Variants in NEDD4 observed in about 807,000 individuals in gnomAD.
NEDD4 encodes the protein E3 ubiquitin-protein ligase NEDD4.
Under a neutral mutation model 144.9 loss-of-function variants are expected in NEDD4, and 99 were observed. That is an observed-to-expected ratio of 0.68 (90% confidence interval 0.58 to 0.81). NEDD4 has a LOEUF of 0.81. NEDD4 is among the 30% of genes least tolerant of loss of function. NEDD4 has a pLI of 0.00. For missense variants in NEDD4, 985 were observed against 1,065.9 expected, an observed-to-expected ratio of 0.92 and a Z score of 1.06; for synonymous variants, 318 against 350.6, an observed-to-expected ratio of 0.91 and a Z score of 1.04.
chr15:55,933,550 G>A lies in NEDD4; in HGVS notation c.238-8851C>T, dbSNP rs558810851. 1.7e-3 allele frequency among the ~76,000 whole-genome samples: 246 copies of A among 141,646 alleles called. 1 individual carries two copies. Among genetic ancestry groups the A allele is most frequent in the African/African-American group, 6.1e-3 (229 of 37,808 alleles). The allele number at this position is 141,646 out of a possible 152,430, so 92.9% of individuals were successfully genotyped here. The stretch of plus-strand genomic sequence containing the variant: ...GTCGTGGGGTGGGGGGAGGGGGAAG[G>A]GGGAGGGATAGCATTAGGAGATGTA... On this transcript the variant is annotated intron_variant, in intron 4 of 28. Coordinates refer to ENST00000435532, the MANE Select transcript of NEDD4 (RefSeq NM_006154.4).
chr15:55,981,409 A>C (rs1339474452), intron 1 of NEDD4, among the ~76,000 whole-genome samples: 2 of 151,874 alleles, frequency 1.3e-5, no homozygotes, highest in Non-Finnish European at 2.9e-5. Flanking sequence ...ACTTACGGTG[A>C]CCGTATTTTC....
intron 2 of NEDD4, among the ~76,000 whole-genome samples, chr15:55,960,567 C>A (rs577655966): frequency 3.9e-5 from 6 of 152,274 alleles, no homozygotes; most frequent in Middle Eastern, 3.4e-3. Flanking sequence ...TTTTGGGACT[C>A]TGACTGGCTT....
At chr15:55,852,303 T>TAA (rs879814846) in intron 13 of NEDD4, 121 bp downstream of exon 13, 353 of 955,030 alleles carry the variant, frequency 3.7e-4, no homozygotes, top group South Asian at 4.4e-4. Flanking sequence ...CTCAAAAAAA[T>TAA]AAAAAAAAAA....
At chr15:55,872,324 G>A (rs1432168774) in intron 7 of NEDD4, 91 bp downstream of exon 7, 1 of 422,772 alleles carries the variant, frequency 2.4e-6, no homozygotes, top group Non-Finnish European at 4.2e-6. Flanking sequence ...ATTTACAGAG[G>A]TTTAAACCCT....
At chr15:55,833,855 T>C (rs2033072350) in intron 26 of NEDD4, among the ~76,000 whole-genome samples, 183 bp downstream of exon 26, 1 of 152,178 alleles carries the variant, frequency 6.6e-6, no homozygotes, top group South Asian at 2.1e-4. Flanking sequence ...TTTACTTACC[T>C]AGTAATAGTT....
At chr15:55,883,734 GAA>G (rs1436587648) in intron 5 of NEDD4, among the ~76,000 whole-genome samples, 2 of 151,346 alleles carry the variant, frequency 1.3e-5, no homozygotes, top group East Asian at 3.9e-4. Context: ...CACAGAAAGA[GAA>G]AGAGAGAGAG....
intron 2 of NEDD4, among the ~76,000 whole-genome samples, chr15:55,964,997 C>G (rs1426089032): frequency 6.6e-6 from 1 of 151,938 alleles, no homozygotes; most frequent in Admixed American, 6.6e-5. Flanking sequence ...CGCTAGGTCC[C>G]CTTCCCGTTT....
At chr15:55,910,253 T>C (rs1302577653) in intron 5 of NEDD4, among the ~76,000 whole-genome samples, 1 of 152,330 alleles carries the variant, frequency 6.6e-6, no homozygotes, top group Admixed American at 6.5e-5. Flanking sequence ...TGGCTGTTTC[T>C]GCTTCCTTAC....
At chr15:55,985,238 T>C (rs578189090) in intron 1 of NEDD4, among the ~76,000 whole-genome samples, 54 of 152,382 alleles carry the variant, frequency 3.5e-4, no homozygotes, top group South Asian at 1.0e-3. Flanking sequence ...TTCCTTCTCC[T>C]TTTCTGTTCC....
At chr15:55,858,514 C>T (rs765498434) in intron 11 of NEDD4, among the ~76,000 whole-genome samples, 3 of 152,038 alleles carry the variant, frequency 2.0e-5, no homozygotes, top group Non-Finnish European at 4.4e-5. Flanking sequence ...CGCCATGTTG[C>T]CCAGGCTGGT....
chr15:55,948,617 T>C (rs537742583), intron 4 of NEDD4, among the ~76,000 whole-genome samples: 39 of 152,228 alleles, frequency 2.6e-4, no homozygotes, highest in African/African-American at 8.2e-4. Context: ...TACAGACCAA[T>C]GGAACAGAAA....
At chr15:55,897,854 C>T (rs920046447) in intron 5 of NEDD4, among the ~76,000 whole-genome samples, 1 of 152,210 alleles carries the variant, frequency 6.6e-6, no homozygotes, top group African/African-American at 2.4e-5. Flanking sequence ...TATACTTTTC[C>T]CCAGGCTTCC....
chr15:55,837,386 C>T (rs549240498), intron 24 of NEDD4, among the ~76,000 whole-genome samples: 8 of 149,500 alleles, frequency 5.4e-5, no homozygotes, highest in South Asian at 2.1e-4. Flanking sequence ...GCCGAGATCA[C>T]GCCACTGCAT....
intron 24 of NEDD4, among the ~76,000 whole-genome samples, chr15:55,837,326 A>C (rs960466514): frequency 4.6e-5 from 7 of 151,670 alleles, no homozygotes; most frequent in African/African-American, 1.7e-4. Flanking sequence ...GCTACTCAGG[A>C]GGCTGAGGCA....
At chr15:55,835,880 T>C (rs2033169251) in intron 24 of NEDD4, among the ~76,000 whole-genome samples, 1 of 152,196 alleles carries the variant, frequency 6.6e-6, no homozygotes. Flanking sequence ...TGGTGTCTTA[T>C]TGGTTAATAG....
At chr15:55,920,188 A>AAT (rs61628148) in intron 5 of NEDD4, among the ~76,000 whole-genome samples, 88,343 of 150,298 alleles carry the variant, frequency 0.59, 26,142 homozygotes, top group Admixed American at 0.64. Context: ...ATTGTGTGGA[A>AAT]ATATATATAT....
chr15:55,962,491 T>C (rs2037442616), intron 2 of NEDD4, among the ~76,000 whole-genome samples: 1 of 152,244 alleles, frequency 6.6e-6, no homozygotes, highest in Non-Finnish European at 1.5e-5. Context: ...TCATGCAGGC[T>C]GAAGTGCAGT....
chr15:55,836,755 T>G (rs968226788), intron 24 of NEDD4, among the ~76,000 whole-genome samples: 8 of 152,182 alleles, frequency 5.3e-5, no homozygotes, highest in Admixed American at 5.2e-4. Flanking sequence ...CTCAAACTCC[T>G]GACCTCAGGC....
intron 2 of NEDD4, among the ~76,000 whole-genome samples, chr15:55,966,203 G>GATT (rs1308846470): frequency 6.6e-6 from 1 of 152,176 alleles, no homozygotes; most frequent in Non-Finnish European, 1.5e-5. Flanking sequence ...TCTGCTAAAG[G>GATT]ATTAGTCTGT....
Sources: allele counts gnomAD v4.1 joint callset (sites outside exome capture counted in the v4.1 genomes callset), GRCh38; gene constraint gnomAD v4.1.1; transcripts MANE v1.5; gene names NCBI Gene and HGNC (gene_info 2026-07-23, HGNC 2026-07-21).